Variants in C10orf95 observed in about 807,000 individuals in gnomAD.
C10orf95 encodes uncharacterized protein C10orf95.
For synonymous variants in C10orf95, 188 were observed against 160.4 expected (o/e 1.17, Z -1.30); for missense variants, 412 against 327.4 (o/e 1.26, Z -1.99).
At chr10:102,451,185 C>G (rs1188934538) in intron 1 of C10orf95, 38 bp from the exon 2 acceptor site, 1 of 1,465,192 alleles carries the variant, frequency 6.8e-7, no homozygotes, top group African/African-American at 1.4e-5. Flanking sequence ...AGACTTTCTA[C>G]TTAACCGCCT....
chr10:102,450,749 G>A lies in C10orf95; in HGVS notation c.345C>T (p.Gly115=). The change falls in exon 2 of 2, where the codon GGC becomes GGT. Residue 115 remains glycine (G), a synonymous_variant. Coordinates refer to ENST00000625129, the MANE Select transcript of C10orf95 (RefSeq NM_001363580.1). ...AGCGCAGCTCGGTTTGCAGGCTCCC[G>A]CCCTCCGGCCACGGCGCCCAGCTCT... ...VAESWAPWPE[G]GSLQTELRWG... 2 of 1,313,682 alleles carry A rather than the reference G, an allele frequency of 1.5e-6. No homozygotes were observed. Among genetic ancestry groups the A allele is most frequent in the Non-Finnish European group, 1.9e-6 (2 of 1,027,348 alleles). The allele number at this position is 1,313,682 out of a possible 1,614,324, so 81.4% of individuals were successfully genotyped here.
chr10:102,450,476 G>A lies in C10orf95; in HGVS notation c.618C>T (p.Pro206=). 1.4e-6 allele frequency: 2 copies of A among 1,465,142 alleles called. No homozygotes were observed. The highest frequency in any genetic ancestry group is 1.8e-6 in the Non-Finnish European group (2 of 1,114,554). The allele number at this position is 1,465,142 out of a possible 1,614,324, so 90.8% of individuals were successfully genotyped here. ...PAREAAERGR[P]RKSKGLS ...TTCAGCTCAGGCCCTTGCTCTTCCT[G>A]GGGCGGCCGCGCTCCGCGGCTTCCC... Residue 206 remains proline (P), a synonymous_variant, in exon 2 of 2, where the codon CCC becomes CCT. Transcript: ENST00000625129.
chr10:102,450,636 G>A lies in C10orf95; in HGVS notation c.458C>T (p.Pro153Leu). ...RELRRAYGTY[P>L]RADVRVTQRR... The stretch of plus-strand genomic sequence containing the variant: ...CTGGGTGACGCGCACGTCGGCGCGG[G>A]GGTAGGTGCCGTACGCGCGCCGCAG... The change falls in exon 2 of 2, where the codon CCC (proline) becomes CTC (leucine). Residue 153 changes from proline (P) to leucine (L), a missense_variant. Physicochemically the swap from Pro to Leu is moderately conservative, Grantham distance 98. Coordinates refer to ENST00000625129, the MANE Select transcript of C10orf95 (RefSeq NM_001363580.1). 2 of 1,234,238 alleles carry A rather than the reference G, an allele frequency of 1.6e-6. No individual in the cohort carries two copies. The highest frequency in any genetic ancestry group is 2.0e-6 in the Non-Finnish European group (2 of 990,392). The allele number at this position is 1,234,238 out of a possible 1,614,324, so 76.5% of individuals were successfully genotyped here. A position where few individuals can be genotyped will look rare whatever the true frequency, so the allele number is the denominator to read the frequency against.
rs1179032462 is a variant in C10orf95, at chr10:102,450,604, C to T, written c.490G>A (p.Gly164Ser). ...RADVRVTQRRGQFLLQATPRV... is the reference protein window; with the variant it reads ...RADVRVTQRRSQFLLQATPRV... Reference sequence around the variant, plus strand: ...GGCGTCGCCTGCAGCAGGAACTGGCCGCGGCGCTGGGTGACGCGCACGTCG... The same window carrying T: ...GGCGTCGCCTGCAGCAGGAACTGGCTGCGGCGCTGGGTGACGCGCACGTCG... Residue 164 changes from glycine to serine, a missense_variant, in exon 2 of 2, where the codon GGC becomes AGC. By Grantham distance (56) the Gly-to-Ser change is moderately conservative. Coordinates refer to ENST00000625129, the MANE Select transcript of C10orf95 (RefSeq NM_001363580.1). 2 of 1,261,256 alleles carry T rather than the reference C, an allele frequency of 1.6e-6. No individual in the cohort carries two copies. Among genetic ancestry groups the T allele is most frequent in the East Asian group, 3.3e-5 (1 of 30,224 alleles). 78.1% of individuals were successfully genotyped at this position (1,261,256 alleles called of 1,614,324 possible).
chr10:102,450,823 C>T lies in C10orf95; in HGVS notation c.271G>A (p.Ala91Thr), dbSNP rs1281057746. Residue 91 changes from alanine (A) to threonine (T), a missense_variant, in exon 2 of 2, where the codon GCC (alanine) becomes ACC (threonine). Transcript: ENST00000625129. Reference sequence around the variant, plus strand: ...AGCGACAGTCCCGAGATGCCGGCGGCGGCGCAGGGCCGGCGCAGGGTCGTG... The same window carrying T: ...AGCGACAGTCCCGAGATGCCGGCGGTGGCGCAGGGCCGGCGCAGGGTCGTG... ...YATTLRRPCA[A>T]AGISGLSLQA... 2 of 1,247,626 alleles carry T rather than the reference C, an allele frequency of 1.6e-6. No individual in the cohort carries two copies. The highest frequency in any genetic ancestry group is 2.0e-6 in the Non-Finnish European group (2 of 999,336). 77.3% of individuals were successfully genotyped at this position (1,247,626 alleles called of 1,614,324 possible).
chr10:102,450,477 G>T lies in C10orf95; in HGVS notation c.617C>A (p.Pro206His), dbSNP rs1451040154. 7 of 1,463,340 alleles carry T rather than the reference G, an allele frequency of 4.8e-6. No homozygotes were observed. Among genetic ancestry groups the T allele is most frequent in the Non-Finnish European group, 6.3e-6 (7 of 1,113,782 alleles). 90.6% of individuals were successfully genotyped at this position (1,463,340 alleles called of 1,614,324 possible). ...PAREAAERGR[P>H]RKSKGLS Reference sequence around the variant, plus strand: ...TCAGCTCAGGCCCTTGCTCTTCCTGGGGCGGCCGCGCTCCGCGGCTTCCCG... The same window carrying T: ...TCAGCTCAGGCCCTTGCTCTTCCTGTGGCGGCCGCGCTCCGCGGCTTCCCG... Residue 206 changes from proline to histidine, a missense_variant, in exon 2 of 2, where the codon CCC (proline) becomes CAC (histidine). Physicochemically the swap from Pro to His is moderately conservative, Grantham distance 77. Coordinates refer to ENST00000625129, the MANE Select transcript of C10orf95 (RefSeq NM_001363580.1).
At position 102,450,502 on chromosome 10, in the gene C10orf95, G is replaced by C; in HGVS notation, c.592C>G (p.Arg198Gly). 4.2e-6 allele frequency: 6 copies of C among 1,436,336 alleles called. No homozygotes were observed. The highest frequency in any genetic ancestry group is 1.5e-5 in the African/African-American group (1 of 66,898). The allele number at this position is 1,436,336 out of a possible 1,614,324, so 89.0% of individuals were successfully genotyped here. A position where few individuals can be genotyped will look rare whatever the true frequency, so the allele number is the denominator to read the frequency against. Residue 198 changes from arginine (R) to glycine (G), a missense_variant, in exon 2 of 2, where the codon CGG becomes GGG. Arg to Gly is a moderately radical substitution (Grantham distance 125). Transcript: ENST00000625129. Reference sequence around the variant, plus strand: ...GGGCGGCCGCGCTCCGCGGCTTCCCGGGCTGGGCTGCTGTCGCCGCTGTCG... The same window carrying C: ...GGGCGGCCGCGCTCCGCGGCTTCCCCGGCTGGGCTGCTGTCGCCGCTGTCG... ...RPDSGDSSPA[R>G]EAAERGRPRK...
At position 102,451,496 on chromosome 10, in the gene C10orf95, A is replaced by G. The variant is rs531301041; in HGVS notation, c.-165T>C. Reference sequence around the variant, plus strand: ...CCTGCCTCAGCCACTCCTCCTGGTTACCAGGCAAAAGGAAACACCTTGAGC... The same window carrying G: ...CCTGCCTCAGCCACTCCTCCTGGTTGCCAGGCAAAAGGAAACACCTTGAGC... On this transcript the variant is annotated 5_prime_UTR_variant, in exon 1 of 2. Coordinates refer to ENST00000625129, the MANE Select transcript of C10orf95 (RefSeq NM_001363580.1). 3 of 1,379,206 alleles carry G rather than the reference A, an allele frequency of 2.2e-6. No homozygotes were observed. In the East Asian group the frequency reaches 1.3e-4, roughly 59 times the overall value. 85.4% of individuals were successfully genotyped at this position (1,379,206 alleles called of 1,614,324 possible). A position where few individuals can be genotyped will look rare whatever the true frequency, so the allele number is the denominator to read the frequency against.
intron 1 of C10orf95, 99 bp from the exon 2 acceptor site, chr10:102,451,246 A>G: frequency 1.4e-6 from 2 of 1,415,992 alleles, no homozygotes; most frequent in Non-Finnish European, 1.9e-6. Flanking sequence ...GCTTTGGGGG[A>G]ATTCATCCCA....
In C10orf95 at chr10:102,450,465, T is replaced by C. The variant is rs2061684167; in HGVS notation, c.629A>G (p.Lys210Arg). ...CTTGCGGCGGCTTCAGCTCAGGCCC[T>C]TGCTCTTCCTGGGGCGGCCGCGCTC... ...AAERGRPRKS[K>R]GLS is the part of the protein sequence containing the mutation. The change falls in exon 2 of 2, where the codon AAG becomes AGG. Residue 210 changes from lysine (K) to arginine (R), a missense_variant. Physicochemically the swap from Lys to Arg is conservative, Grantham distance 26. Coordinates refer to ENST00000625129, the MANE Select transcript of C10orf95 (RefSeq NM_001363580.1). The C allele has an allele frequency of 1.3e-6, 2 of 1,497,556 alleles. No homozygotes were observed. Among genetic ancestry groups the C allele is most frequent in the Non-Finnish European group, 1.8e-6 (2 of 1,127,340 alleles). 92.8% of individuals were successfully genotyped at this position (1,497,556 alleles called of 1,614,324 possible). A position where few individuals can be genotyped will look rare whatever the true frequency, so the allele number is the denominator to read the frequency against.
rs1364820889 is a variant in C10orf95, at chr10:102,450,482, G to T, written c.612C>A (p.Gly204=). Residue 204 remains glycine (G), a synonymous_variant, in exon 2 of 2, where the codon GGC becomes GGA. Coordinates refer to ENST00000625129, the MANE Select transcript of C10orf95 (RefSeq NM_001363580.1). ...TCAGGCCCTTGCTCTTCCTGGGGCG[G>T]CCGCGCTCCGCGGCTTCCCGGGCTG... The part of the protein sequence containing the change: ...SSPAREAAER[G]RPRKSKGLS The T allele has an allele frequency of 6.9e-7, 1 of 1,454,642 alleles. No individual in the cohort carries two copies. The highest frequency in any genetic ancestry group is 9.0e-7 in the Non-Finnish European group (1 of 1,110,000). The allele number at this position is 1,454,642 out of a possible 1,614,324, so 90.1% of individuals were successfully genotyped here. A position where few individuals can be genotyped will look rare whatever the true frequency, so the allele number is the denominator to read the frequency against.
rs1215269197 is a variant in C10orf95, at chr10:102,451,061, C to T, written c.33G>A (p.Gln11=). The change falls in exon 2 of 2, where the codon CAG becomes CAA. Residue 11 remains glutamine, a synonymous_variant. Coordinates refer to ENST00000625129, the MANE Select transcript of C10orf95 (RefSeq NM_001363580.1). Reference sequence around the variant, plus strand: ...GCTGCGGCGGCGGCGGCCAGACGCCCTGTTTGGGCGGCGGCCAGCTGTACA... The same window carrying T: ...GCTGCGGCGGCGGCGGCCAGACGCCTTGTTTGGGCGGCGGCCAGCTGTACA... MYVYSWPPPK[Q]GVWPPPPQLL... 2.4e-5 allele frequency: 32 copies of T among 1,359,320 alleles called. No individual in the cohort carries two copies. The highest frequency in any genetic ancestry group is 3.0e-5 in the Non-Finnish European group (32 of 1,054,686). 84.2% of individuals were successfully genotyped at this position (1,359,320 alleles called of 1,614,324 possible).
rs2061686033 is a variant in C10orf95, at chr10:102,450,649, A to G, written c.445T>C (p.Tyr149His). The change falls in exon 2 of 2, where the codon TAC becomes CAC. Residue 149 changes from tyrosine (Y) to histidine (H), a missense_variant. By Grantham distance (83) the Tyr-to-His change is moderately conservative (BLOSUM62 2). Coordinates refer to ENST00000625129, the MANE Select transcript of C10orf95 (RefSeq NM_001363580.1). Reference sequence around the variant, plus strand: ...ACGTCGGCGCGGGGGTAGGTGCCGTACGCGCGCCGCAGCTCCCGGCGCACG... The same window carrying G: ...ACGTCGGCGCGGGGGTAGGTGCCGTGCGCGCGCCGCAGCTCCCGGCGCACG... ...DFVRRELRRAYGTYPRADVRV... is the reference protein window; with the variant it reads ...DFVRRELRRAHGTYPRADVRV... 8.1e-7 allele frequency: 1 copy of G among 1,228,578 alleles called. No homozygotes were observed. Among genetic ancestry groups the G allele is most frequent in the African/African-American group, 1.6e-5 (1 of 63,216 alleles). 76.1% of individuals were successfully genotyped at this position (1,228,578 alleles called of 1,614,324 possible).
At position 102,450,347 on chromosome 10, in the gene C10orf95, C is replaced by T; in HGVS notation, c.*105G>A. 8.0e-7 allele frequency: 1 copy of T among 1,251,356 alleles called. No individual in the cohort carries two copies. The allele number at this position is 1,251,356 out of a possible 1,614,324, so 77.5% of individuals were successfully genotyped here. ...AAAAGACAGGTGAGCAGCGCGTCCG[C>T]CTCCCGCGCACAGGTGAGGGCTCAC... is the stretch of plus-strand genomic sequence containing the variant. On this transcript the variant is annotated 3_prime_UTR_variant, in exon 2 of 2. Transcript: ENST00000625129.
chr10:102,451,130 G>T lies in C10orf95; in HGVS notation c.-37C>A. On this transcript the variant is annotated 5_prime_UTR_variant, in exon 2 of 2. Coordinates refer to ENST00000625129, the MANE Select transcript of C10orf95 (RefSeq NM_001363580.1). ...CAGGCGGCTGCTGTTCTTACTGGGG[G>T]CTCCTGCGGATCCAGACCTGCGGCG... The T allele has an allele frequency of 6.9e-7, 1 of 1,439,400 alleles. No individual in the cohort carries two copies. Among genetic ancestry groups the T allele is most frequent in the Non-Finnish European group, 9.1e-7 (1 of 1,098,806 alleles). 89.2% of individuals were successfully genotyped at this position (1,439,400 alleles called of 1,614,324 possible). A position where few individuals can be genotyped will look rare whatever the true frequency, so the allele number is the denominator to read the frequency against.
Position 102,450,857 on chromosome 10 carries a change from C to A in C10orf95, c.237G>T (p.Pro79=), listed in dbSNP as rs1377338584. ...EAAPPWWACP[P]AYATTLRRPC... is the part of the protein sequence containing the mutation. ...GCCGGCGCAGGGTCGTGGCGTAGGC[C>A]GGAGGGCAGGCCCACCAGGGCGGCG... The change falls in exon 2 of 2, where the codon CCG becomes CCT. Residue 79 remains proline (P), a synonymous_variant. Transcript: ENST00000625129. The A allele has an allele frequency of 2.4e-6, 3 of 1,235,986 alleles. No individual in the cohort carries two copies. Among genetic ancestry groups the A allele is most frequent in the Admixed American group, 4.2e-5 (1 of 23,588 alleles). The allele number at this position is 1,235,986 out of a possible 1,614,324, so 76.6% of individuals were successfully genotyped here. A position where few individuals can be genotyped will look rare whatever the true frequency, so the allele number is the denominator to read the frequency against.
At chr10:102,451,220 G>A in intron 1 of C10orf95, 73 bp from the exon 2 acceptor site, 1 of 1,439,010 alleles carries the variant, frequency 6.9e-7, no homozygotes, top group Non-Finnish European at 9.1e-7. Context: ...CCGGTTCCCC[G>A]GGACGCCGGT....
At position 102,450,761 on chromosome 10, in the gene C10orf95, C is replaced by T. The variant is rs2061687271; in HGVS notation, c.333G>A (p.Pro111=). ...TTTGCAGGCTCCCGCCCTCCGGCCA[C>T]GGCGCCCAGCTCTCGGCCACCGCCG... is the stretch of plus-strand genomic sequence containing the variant. ...APAAVAESWA[P]WPEGGSLQTE... The change falls in exon 2 of 2, where the codon CCG becomes CCA. Residue 111 remains proline, a synonymous_variant. Coordinates refer to ENST00000625129, the MANE Select transcript of C10orf95 (RefSeq NM_001363580.1). The T allele has an allele frequency of 1.4e-5, 18 of 1,307,260 alleles. No individual in the cohort carries two copies. Among genetic ancestry groups the T allele is most frequent in the Non-Finnish European group, 1.7e-5 (17 of 1,025,102 alleles). 81.0% of individuals were successfully genotyped at this position (1,307,260 alleles called of 1,614,324 possible).
chr10:102,450,086 A>C lies in C10orf95; in HGVS notation c.*366T>G, dbSNP rs1489582187. On this transcript the variant is annotated 3_prime_UTR_variant, in exon 2 of 2. Transcript: ENST00000625129. Reference sequence around the variant, plus strand: ...TGATAGAGGGAAAAGAGGAAGGGAAAGTTGGGGCTTACTGCAGGGCAAGCT... The same window carrying C: ...TGATAGAGGGAAAAGAGGAAGGGAACGTTGGGGCTTACTGCAGGGCAAGCT... 6.7e-6 allele frequency: 2 copies of C among 300,478 alleles called. No individual in the cohort carries two copies. Among genetic ancestry groups the C allele is most frequent in the Non-Finnish European group, 1.3e-5 (2 of 148,740 alleles). 18.6% of individuals were successfully genotyped at this position (300,478 alleles called of 1,614,324 possible).
Sources: allele counts gnomAD v4.1 joint callset, GRCh38; gene constraint gnomAD v4.1.1; transcripts MANE v1.5; gene names NCBI Gene and HGNC (gene_info 2026-07-23, HGNC 2026-07-21).